The following SHROOM3 variants were observed in gnomAD, a reference collection of about 807,000 sequenced individuals.
The protein encoded by SHROOM3 is shroom family member 3.
In SHROOM3, 47 loss-of-function variants were observed where a neutral mutation model predicts 138.6. The ratio of observed to expected loss-of-function variants is 0.34; its 90% CI spans 0.27 to 0.43. The LOEUF is 0.43. Ranked by LOEUF, SHROOM3 falls within the 20% of genes least tolerant of loss-of-function variation. The probability of loss-of-function intolerance (pLI) is 1.00; values close to 1 mark genes in which losing one functional copy is unlikely to be tolerated. For missense variants in SHROOM3, 2,491 were observed against 2,596.5 expected (o/e 0.96, Z 0.88); for synonymous variants, 1,062 against 1,063.3 (o/e 1.00, Z 0.02).
chr4:76,563,456 C>T (rs938606265), intron 2 of SHROOM3, among the ~76,000 whole-genome samples: 2 of 152,124 alleles, frequency 1.3e-5, no homozygotes, highest in African/African-American at 4.8e-5. Flanking sequence ...CATGTTGAAG[C>T]TCATTGGTGG....
At chr4:76,639,653 G>C in intron 2 of SHROOM3, 1 of 398,532 alleles carries the variant, frequency 2.5e-6, no homozygotes, top group Non-Finnish European at 4.4e-6. Flanking sequence ...GTAAGTGAGG[G>C]CTTCATGGGC....
chr4:76,591,918 G>T (rs10033553), intron 2 of SHROOM3, among the ~76,000 whole-genome samples: 102,250 of 152,112 alleles, frequency 0.67, 34,842 homozygotes, highest in East Asian at 0.94. Flanking sequence ...CTGGCACACA[G>T]TCTAGTCAAG....
At chr4:76,514,927 A>C (rs544758068) in intron 1 of SHROOM3, among the ~76,000 whole-genome samples, 10 of 152,032 alleles carry the variant, frequency 6.6e-5, no homozygotes, top group Non-Finnish European at 1.2e-4. Context: ...CCCATTTGTT[A>C]AAAAAGTTCA....
At chr4:76,546,518 A>G (rs1347078518) in intron 1 of SHROOM3, among the ~76,000 whole-genome samples, 1 of 152,326 alleles carries the variant, frequency 6.6e-6, no homozygotes, top group Middle Eastern at 3.4e-3. Flanking sequence ...CTTTTTGTTT[A>G]TTTGACTTTA....
chr4:76,769,384 TCTAGCTATTTTA>T (rs1401615259), intron 9 of SHROOM3, among the ~76,000 whole-genome samples: 1 of 151,954 alleles, frequency 6.6e-6, no homozygotes, highest in Non-Finnish European at 1.5e-5. Context: ...CTTCTTTCCA[TCTAGCTATTTTA>T]GGCTAAGAGA....
chr4:76,469,065 G>A (rs565662358), intron 1 of SHROOM3, among the ~76,000 whole-genome samples: 47 of 151,668 alleles, frequency 3.1e-4, no homozygotes, highest in Non-Finnish European at 5.4e-4. Context: ...AGCCGGACAT[G>A]GTGGTGTACA....
chr4:76,666,661 C>T (rs951031833), intron 2 of SHROOM3, among the ~76,000 whole-genome samples: 1 of 152,018 alleles, frequency 6.6e-6, no homozygotes, highest in African/African-American at 2.4e-5. Flanking sequence ...CAAACCAAAA[C>T]GAGAATGTGG....
At chr4:76,441,573 C>A (rs1252210064) in intron 1 of SHROOM3, among the ~76,000 whole-genome samples, 1 of 152,186 alleles carries the variant, frequency 6.6e-6, no homozygotes, top group Non-Finnish European at 1.5e-5. Flanking sequence ...CCTTTAACAT[C>A]CTTTGCCCTT....
chr4:76,491,272 C>T (rs1355438926), intron 1 of SHROOM3, among the ~76,000 whole-genome samples: 4 of 152,156 alleles, frequency 2.6e-5, no homozygotes, highest in African/African-American at 9.7e-5. Flanking sequence ...AATGCTTGTG[C>T]CATGAATAGA....
chr4:76,545,110 T>A (rs1323424116), intron 1 of SHROOM3, among the ~76,000 whole-genome samples: 1 of 152,168 alleles, frequency 6.6e-6, no homozygotes, highest in Admixed American at 6.5e-5. Context: ...TTTTCTTTTT[T>A]TGTATTTTTA....
At chr4:76,621,159 A>C (rs1397916240) in intron 2 of SHROOM3, among the ~76,000 whole-genome samples, 2 of 151,760 alleles carry the variant, frequency 1.3e-5, no homozygotes, top group South Asian at 2.1e-4. Context: ...AAAAAAAAAA[A>C]CAAAAAACTT....
chr4:76,734,414 A>G (rs1185907350), intron 4 of SHROOM3, among the ~76,000 whole-genome samples: 1 of 152,182 alleles, frequency 6.6e-6, no homozygotes, highest in Admixed American at 6.5e-5. Flanking sequence ...TTTTCCAAAC[A>G]TATTTAATCA....
chr4:76,681,625 G>GTGTGTGTGTGTGTATGTA (rs150048957), intron 2 of SHROOM3, among the ~76,000 whole-genome samples: 21,223 of 117,322 alleles, frequency 0.18, 2,280 homozygotes, highest in African/African-American at 0.2. Flanking sequence ...GTGTGTGTGT[G>GTGTGTGTGTGTGTATGTA]TGTGTGTGTA....
intron 2 of SHROOM3, among the ~76,000 whole-genome samples, chr4:76,653,803 T>C (rs1349784830): frequency 6.6e-6 from 1 of 152,072 alleles, no homozygotes; most frequent in African/African-American, 2.4e-5. Context: ...CAGACTCAAG[T>C]GATCTGCCCA....
At chr4:76,671,165 G>C (rs1269359489) in intron 2 of SHROOM3, among the ~76,000 whole-genome samples, 2 of 152,128 alleles carry the variant, frequency 1.3e-5, no homozygotes, top group Non-Finnish European at 2.9e-5. Context: ...AAACCAAGCA[G>C]ACCCCTGGCC....
chr4:76,721,031 A>G (rs189580249), intron 3 of SHROOM3, among the ~76,000 whole-genome samples: 1 of 152,152 alleles, frequency 6.6e-6, no homozygotes, highest in East Asian at 1.9e-4. Context: ...TTACCCTTTG[A>G]GCCAGCAACT....
chr4:76,516,177 G>A (rs1313976914), intron 1 of SHROOM3, among the ~76,000 whole-genome samples: 3 of 152,122 alleles, frequency 2.0e-5, no homozygotes, highest in Non-Finnish European at 2.9e-5. Flanking sequence ...AATGACCAAG[G>A]ATACTGACTT....
chr4:76,769,772 T>C (rs1722287635), intron 9 of SHROOM3, among the ~76,000 whole-genome samples: 1 of 152,198 alleles, frequency 6.6e-6, no homozygotes, highest in South Asian at 2.1e-4. Context: ...TAAAACAGTA[T>C]CTACTATAAG....
intron 2 of SHROOM3, among the ~76,000 whole-genome samples, chr4:76,614,201 C>T (rs1219034277): frequency 1.3e-5 from 2 of 152,090 alleles, no homozygotes; most frequent in Non-Finnish European, 2.9e-5. Flanking sequence ...ACTACAGGCG[C>T]CTGCCACCAT....
Sources: allele counts gnomAD v4.1 joint callset (sites outside exome capture counted in the v4.1 genomes callset), GRCh38; gene constraint gnomAD v4.1.1; transcripts MANE v1.5; gene names NCBI Gene and HGNC (gene_info 2026-07-23, HGNC 2026-07-21).